Variants in RNF182 observed in about 807,000 individuals in gnomAD.
The protein encoded by RNF182 is ring finger protein 182, also known as E3 ubiquitin-protein ligase RNF182.
RNF182 carries 15 observed loss-of-function variants against 14.4 expected under a neutral mutation model. The observed-to-expected ratio is 1.04, with a 90% confidence interval of 0.70 to 1.60. The LOEUF (loss-of-function observed/expected upper bound fraction) is 1.60, where lower values mean the gene tolerates loss of function less well. RNF182 is among the 40% of genes most tolerant of loss of function. The pLI is 0.00. For synonymous variants in RNF182, 128 were observed against 122.9 expected (o/e 1.04, Z -0.27); for missense variants, 268 against 294.8 (o/e 0.91, Z 0.67).
At chr6:13,976,329 TCAAA>T (rs973124374) in intron 2 of RNF182, among the ~76,000 whole-genome samples, 4 of 152,288 alleles carry the variant, frequency 2.6e-5, no homozygotes, top group East Asian at 1.9e-4. Flanking sequence ...AATGGAATAA[TCAAA>T]CAATAAAAGC....
At chr6:13,964,335 G>A (rs1172033791) in intron 1 of RNF182, among the ~76,000 whole-genome samples, 1 of 152,172 alleles carries the variant, frequency 6.6e-6, no homozygotes, top group Non-Finnish European at 1.5e-5. Flanking sequence ...TTAGGGATGA[G>A]TATCAGTTTG....
intron 2 of RNF182, 149 bp from the exon 3 acceptor site, chr6:13,976,760 A>G (rs1264439943): frequency 3.0e-5 from 7 of 237,112 alleles, no homozygotes; most frequent in African/African-American, 1.6e-4. Flanking sequence ...CGTTCCAGGG[A>G]CAGAAGTGTG....
At chr6:13,967,387 A>C (rs1021476397) in intron 1 of RNF182, among the ~76,000 whole-genome samples, 1 of 152,258 alleles carries the variant, frequency 6.6e-6, no homozygotes, top group African/African-American at 2.4e-5. Context: ...TCTGTAAAAC[A>C]AAACTGTTAG....
intron 1 of RNF182, among the ~76,000 whole-genome samples, chr6:13,955,097 A>G (rs926692194): frequency 6.6e-6 from 1 of 152,174 alleles, no homozygotes; most frequent in African/African-American, 2.4e-5. Context: ...TAAACTTTTT[A>G]TGTAAAGAGC....
chr6:13,939,531 ATTTATTTTTATTTT>A (rs1419110435), intron 1 of RNF182, among the ~76,000 whole-genome samples: 3 of 150,124 alleles, frequency 2.0e-5, no homozygotes, highest in South Asian at 2.1e-4. Context: ...TTTATTTTGT[ATTTATTTTTATTTT>A]TTTATTTTTA....
intron 1 of RNF182, among the ~76,000 whole-genome samples, chr6:13,937,903 T>C (rs555315195): frequency 3.3e-5 from 5 of 152,188 alleles, no homozygotes; most frequent in African/African-American, 1.2e-4. Flanking sequence ...TAAGTGATAT[T>C]GAGCATTTTT....
intron 1 of RNF182, among the ~76,000 whole-genome samples, chr6:13,925,682 G>C (rs1758806415): frequency 6.6e-6 from 1 of 152,180 alleles, no homozygotes; most frequent in Non-Finnish European, 1.5e-5. Flanking sequence ...TTGGCACCGA[G>C]GTCATTGCTT....
chr6:13,966,127 G>A (rs1760022688), intron 1 of RNF182, among the ~76,000 whole-genome samples: 1 of 152,160 alleles, frequency 6.6e-6, no homozygotes. Context: ...GTTTCAGAGA[G>A]AAAAAAGACA....
At chr6:13,956,974 A>G (rs762413632) in intron 1 of RNF182, among the ~76,000 whole-genome samples, 1 of 151,822 alleles carries the variant, frequency 6.6e-6, no homozygotes, top group Non-Finnish European at 1.5e-5. Flanking sequence ...CATCTTCACT[A>G]GTAAATCACC....
At chr6:13,960,628 T>C (rs1208998538) in intron 1 of RNF182, among the ~76,000 whole-genome samples, 1 of 151,614 alleles carries the variant, frequency 6.6e-6, no homozygotes, top group Non-Finnish European at 1.5e-5. Context: ...GGGAGTAATA[T>C]GTACTTTTTT....
At position 13,979,689 on chromosome 6, in the gene RNF182, A is replaced by G. The variant is rs1434424688; in HGVS notation, c.*1826A>G. On this transcript the variant is annotated 3_prime_UTR_variant, in exon 3 of 3. Transcript: ENST00000488300. ...TTGTGGTTTGGATTTATATATTTGT[A>G]AGGTTTTTTTAAAAAAATGTTCGTT... The G allele has an allele frequency of 6.0e-6, 1 of 166,774 alleles. No individual in the cohort carries two copies. The highest frequency in any genetic ancestry group is 2.4e-5 in the African/African-American group (1 of 41,452). 10.3% of individuals were successfully genotyped at this position (166,774 alleles called of 1,614,324 possible). A position where few individuals can be genotyped will look rare whatever the true frequency, so the allele number is the denominator to read the frequency against.
Position 13,980,084 on chromosome 6 carries a change from A to G in RNF182, c.*2221A>G, listed in dbSNP as rs189658757. The G allele has an allele frequency of 2.1e-3, 320 of 154,244 alleles. No individual in the cohort carries two copies. The highest frequency in any genetic ancestry group is 7.2e-3 in the African/African-American group (299 of 41,574). The allele number at this position is 154,244 out of a possible 1,614,324, so 9.6% of individuals were successfully genotyped here. A position where few individuals can be genotyped will look rare whatever the true frequency, so the allele number is the denominator to read the frequency against. On this transcript the variant is annotated 3_prime_UTR_variant, in exon 3 of 3. Transcript: ENST00000488300. ...CCTCTGTTAGCTTTAGATAACGGCA[A>G]ACATGAACATTCAGAAACGTTGGTT...
At chr6:13,962,728 G>A (rs139622829) in intron 1 of RNF182, among the ~76,000 whole-genome samples, 1,841 of 152,292 alleles carry the variant, frequency 0.012, 23 homozygotes, top group Middle Eastern at 0.02. Flanking sequence ...TTTTGGAAAT[G>A]AGAGTTGAAA....
intron 1 of RNF182, among the ~76,000 whole-genome samples, chr6:13,967,176 A>G (rs1392463043): frequency 6.6e-6 from 1 of 152,146 alleles, no homozygotes; most frequent in Non-Finnish European, 1.5e-5. Flanking sequence ...GTAATTGAAG[A>G]TGGAGTTGAA....
chr6:13,934,326 C>T (rs1463931014), intron 1 of RNF182, among the ~76,000 whole-genome samples: 1 of 152,172 alleles, frequency 6.6e-6, no homozygotes, highest in Non-Finnish European at 1.5e-5. Flanking sequence ...CCAAGCCTGT[C>T]TATGTCAGCT....
intron 1 of RNF182, among the ~76,000 whole-genome samples, chr6:13,971,836 C>T (rs1288604219): frequency 6.6e-6 from 1 of 152,096 alleles, no homozygotes; most frequent in Middle Eastern, 3.2e-3. Context: ...GCATTTTGCC[C>T]CTGCCCTAGA....
Position 13,977,726 on chromosome 6 carries a change from T to A in RNF182, c.607T>A (p.Leu203Ile). The A allele has an allele frequency of 3.1e-6, 5 of 1,614,174 alleles. No homozygotes were observed. The highest frequency in any genetic ancestry group is 4.2e-6 in the Non-Finnish European group (5 of 1,180,022). The change falls in exon 3 of 3, where the codon TTA becomes ATA. Residue 203 changes from leucine to isoleucine, a missense_variant. Leu to Ile is a conservative substitution (Grantham distance 5). Transcript: ENST00000488300. ...CAGCTCCTTACCCTTAGGAATCTAC[T>A]TACTGGTGTCTAAGAAAGTCACCCT... is the stretch of plus-strand genomic sequence containing the variant. ...YFSSLPLGIY[L>I]LVSKKVTLGV...
intron 1 of RNF182, among the ~76,000 whole-genome samples, chr6:13,927,423 T>C (rs963011370): frequency 6.6e-5 from 10 of 152,072 alleles, no homozygotes; most frequent in African/African-American, 2.2e-4. Flanking sequence ...TTCACGGGAG[T>C]AGGAGTCTTT....
intron 1 of RNF182, among the ~76,000 whole-genome samples, chr6:13,964,990 A>C (rs112803641): frequency 3.9e-5 from 6 of 152,320 alleles, no homozygotes; most frequent in African/African-American, 1.2e-4. Context: ...ATCAGACCTG[A>C]ACCCCAGTGA....
Sources: gnomAD v4.1 joint callset for allele counts (sites outside exome capture counted in the v4.1 genomes callset) on GRCh38, gnomAD v4.1.1 for gene constraint, MANE v1.5 for transcripts, NCBI Gene and HGNC (gene_info 2026-07-23, HGNC 2026-07-21) for gene names.